NEMP2: variants seen among roughly 807,000 people sequenced by gnomAD.
NEMP2 encodes the protein nuclear envelope integral membrane protein 2, also known as UPF0571 transmembrane protein.
In NEMP2, 53 loss-of-function variants were observed where a neutral mutation model predicts 54.2. The observed-to-expected ratio is 0.98, with a 90% CI of 0.78 to 1.23. The LOEUF (loss-of-function observed/expected upper bound fraction) is 1.23. Ranked by LOEUF, NEMP2 falls within the 50% of genes most tolerant of loss-of-function variation. NEMP2 has a pLI of 0.00. For synonymous variants in NEMP2, 197 were observed against 190.3 expected (o/e 1.04, Z -0.29); for missense variants, 455 against 511.3 (o/e 0.89, Z 1.06).
chr2:190,497,634 TG>T, the NEMP2 span: 6 of 1,614,158 alleles, frequency 3.7e-6, no homozygotes, highest in Non-Finnish European at 5.1e-6. This position sits in a 1 kb window ranked among gnomAD's most constrained non-coding sequence, Gnocchi z 5.2. Flanking sequence ...TCTCCCTGGG[TG>T]ACCTTTGTCT....
At chr2:190,476,253 C>T in the NEMP2 span, among the ~76,000 whole-genome samples, 1 of 152,100 alleles carries the variant, frequency 6.6e-6, no homozygotes, top group African/African-American at 2.4e-5. Flanking sequence ...AAGAAACTAC[C>T]ATCAGAGTGA....
Position 190,510,646 on chromosome 2 carries a change from C to G in NEMP2, c.954-109G>C. ...GCCTGTAATCCAGCATTTTGGGAGG[C>G]CTGGGGAGGCGGATCACGAGGTCAG... On this transcript the variant is annotated intron_variant, in intron 7 of 8. Transcript: ENST00000409150. The surrounding 1 kb of genome is among the most constrained non-coding windows in gnomAD (Gnocchi z 5.7). 1 of 1,125,802 alleles carries G rather than the reference C, an allele frequency of 8.9e-7. No individual in the cohort carries two copies. Among genetic ancestry groups the G allele is most frequent in the Non-Finnish European group, 1.3e-6 (1 of 782,880 alleles). The allele number at this position is 1,125,802 out of a possible 1,614,324, so 69.7% of individuals were successfully genotyped here. A position where few individuals can be genotyped will look rare whatever the true frequency, so the allele number is the denominator to read the frequency against.
At chr2:190,464,408 C>T in the NEMP2 span, among the ~76,000 whole-genome samples, 4 of 152,160 alleles carry the variant, frequency 2.6e-5, no homozygotes, top group Non-Finnish European at 5.9e-5. Context: ...TGTAGAATAA[C>T]TCCACTTAGG....
the NEMP2 span, among the ~76,000 whole-genome samples, chr2:190,577,646 C>A: frequency 2.0e-5 from 3 of 152,236 alleles, no homozygotes; most frequent in Admixed American, 1.3e-4. The surrounding 1 kb of genome is among the most constrained non-coding windows in gnomAD (Gnocchi z 4.8). Flanking sequence ...GAGGCTGAGG[C>A]GGGCAGATCA....
At chr2:190,631,103 C>T in the NEMP2 span, among the ~76,000 whole-genome samples, 39 of 152,108 alleles carry the variant, frequency 2.6e-4, 1 homozygote, top group South Asian at 6.2e-3. Flanking sequence ...ACAGGCCAAG[C>T]GTATCAGCTA....
chr2:190,583,095 T>C, the NEMP2 span, among the ~76,000 whole-genome samples: 5 of 152,172 alleles, frequency 3.3e-5, no homozygotes, highest in Non-Finnish European at 5.9e-5. Context: ...AATGTAAAAA[T>C]AGAGTGTGTT....
chr2:190,426,155 T>A, the NEMP2 span, among the ~76,000 whole-genome samples: 1 of 152,194 alleles, frequency 6.6e-6, no homozygotes, highest in Non-Finnish European at 1.5e-5. This position sits in a 1 kb window ranked among gnomAD's most constrained non-coding sequence, Gnocchi z 4.7. Context: ...ACTCCCTTTT[T>A]TTCTCCTCAC....
downstream of NEMP2, chr2:190,499,909 TC>T (rs1689936174): frequency 1.3e-6 from 2 of 1,575,662 alleles, no homozygotes; most frequent in South Asian, 2.3e-5. The surrounding 1 kb of genome is among the most constrained non-coding windows in gnomAD (Gnocchi z 6.0). Context: ...AATGGGCACT[TC>T]CGGATGATCT....
At chr2:190,545,230 A>G in the NEMP2 span, among the ~76,000 whole-genome samples, 1 of 94,912 alleles carries the variant, frequency 1.1e-5, no homozygotes. Flanking sequence ...TTGCTTTGAC[A>G]CCATCCGATC....
chr2:190,502,991 G>A (rs1420722116), downstream of NEMP2, among the ~76,000 whole-genome samples: 1 of 152,156 alleles, frequency 6.6e-6, no homozygotes, highest in Non-Finnish European at 1.5e-5. This position sits in a 1 kb window ranked among gnomAD's most constrained non-coding sequence, Gnocchi z 4.4. Context: ...CCCACCCCAG[G>A]AGGCAGGGAG....
At chr2:190,436,216 A>T in the NEMP2 span, 1 of 1,614,176 alleles carries the variant, frequency 6.2e-7, no homozygotes, top group Non-Finnish European at 8.5e-7. This position sits in a 1 kb window ranked among gnomAD's most constrained non-coding sequence, Gnocchi z 5.3. Flanking sequence ...ACATTGTGTT[A>T]AGATAAACAA....
At chr2:190,459,377 T>C in the NEMP2 span, among the ~76,000 whole-genome samples, 2 of 152,252 alleles carry the variant, frequency 1.3e-5, no homozygotes, top group East Asian at 1.9e-4. This position sits in a 1 kb window ranked among gnomAD's most constrained non-coding sequence, Gnocchi z 5.3. Flanking sequence ...AATTAACGGC[T>C]ATGCCAAATG....
chr2:190,538,875 AAGT>A (rs765924425), upstream of NEMP2, among the ~76,000 whole-genome samples: 6 of 152,156 alleles, frequency 3.9e-5, no homozygotes, highest in Non-Finnish European at 5.9e-5. This position sits in a 1 kb window ranked among gnomAD's most constrained non-coding sequence, Gnocchi z 4.1. Flanking sequence ...TCGGTCAGAC[AAGT>A]AGTTTGCAAA....
At chr2:190,615,292 C>A in the NEMP2 span, among the ~76,000 whole-genome samples, 5 of 152,148 alleles carry the variant, frequency 3.3e-5, no homozygotes, top group Non-Finnish European at 1.5e-5. The surrounding 1 kb of genome is among the most constrained non-coding windows in gnomAD (Gnocchi z 4.7). Flanking sequence ...CAGGTTTGAT[C>A]ATTTGCTAGA....
the NEMP2 span, among the ~76,000 whole-genome samples, chr2:190,493,685 A>G: frequency 4.3e-4 from 66 of 152,340 alleles, 1 homozygote; most frequent in East Asian, 0.012. Flanking sequence ...CTCAGACCAC[A>G]GTGGAATAAA....
At chr2:190,524,783 C>A (rs1286991458) in intron 2 of NEMP2, among the ~76,000 whole-genome samples, 1 of 152,114 alleles carries the variant, frequency 6.6e-6, no homozygotes, top group Non-Finnish European at 1.5e-5. Context: ...ACTGATGTAT[C>A]CTAGGAGCCT....
rs1559166595 is a variant in NEMP2, at chr2:190,527,008, T to C, written c.98-1630A>G. 6.6e-6 allele frequency among the ~76,000 whole-genome samples: 1 copy of C among 152,212 alleles called. No individual in the cohort carries two copies. The highest frequency in any genetic ancestry group is 2.1e-4 in the South Asian group (1 of 4,830). ...TCATTTTCTTCTGTGGTCGTTGCTG[T>C]ATTTGGATTTGAAATGAAGTGGAAT... On this transcript the variant is annotated intron_variant, in intron 1 of 8. Coordinates refer to ENST00000409150, the MANE Select transcript of NEMP2 (RefSeq NM_001142645.2). This position sits in a 1 kb window ranked among gnomAD's most constrained non-coding sequence, Gnocchi z 4.0.
the NEMP2 span, among the ~76,000 whole-genome samples, chr2:190,573,548 C>G: frequency 3.9e-5 from 6 of 152,134 alleles, no homozygotes; most frequent in South Asian, 2.1e-4. Flanking sequence ...CAGATAGTAC[C>G]AGCTCTTTAA....
At chr2:190,597,720 C>T in the NEMP2 span, among the ~76,000 whole-genome samples, 1 of 152,016 alleles carries the variant, frequency 6.6e-6, no homozygotes, top group African/African-American at 2.4e-5. The surrounding 1 kb of genome is among the most constrained non-coding windows in gnomAD (Gnocchi z 4.7). Flanking sequence ...AGAAACAGTG[C>T]CTCTGATTAT....
Sources: allele counts gnomAD v4.1 joint callset (sites outside exome capture counted in the v4.1 genomes callset), GRCh38; gene constraint gnomAD v4.1.1; non-coding constraint Gnocchi (gnomAD v3.1); transcripts MANE v1.5; gene names NCBI Gene and HGNC (gene_info 2026-07-23, HGNC 2026-07-21).